The following ZKSCAN5 variants were observed in gnomAD, a reference collection of about 807,000 sequenced individuals.
ZKSCAN5 encodes zinc finger with KRAB and SCAN domains 5, also known as zinc finger protein with KRAB and SCAN domains 5.
Under a neutral mutation model 60.0 loss-of-function variants are expected in ZKSCAN5, and 28 were observed. The observed-to-expected ratio is 0.47, with a 90% CI of 0.35 to 0.64. The LOEUF (loss-of-function observed/expected upper bound fraction) is 0.64. ZKSCAN5 is among the 30% of genes least tolerant of loss of function. The pLI is 0.01. For missense variants in ZKSCAN5, 881 were observed against 1,034.6 expected, an observed-to-expected ratio of 0.85 and a Z score of 2.04; for synonymous variants, 361 against 371.2, an observed-to-expected ratio of 0.97 and a Z score of 0.31.
At chr7:99,524,367 C>T (rs987857648) in intron 5 of ZKSCAN5, among the ~76,000 whole-genome samples, 1 of 152,154 alleles carries the variant, frequency 6.6e-6, no homozygotes, top group African/African-American at 2.4e-5. Context: ...AGCCACCACA[C>T]CCGGCTGATA....
intron 2 of ZKSCAN5, among the ~76,000 whole-genome samples, chr7:99,511,844 C>G (rs1162250042): frequency 6.6e-6 from 1 of 151,908 alleles, no homozygotes; most frequent in Non-Finnish European, 1.5e-5. Context: ...GGCTAGAGTG[C>G]AGTGGCGCAA....
chr7:99,517,079 C>T (rs1264872240), intron 3 of ZKSCAN5, among the ~76,000 whole-genome samples: 1 of 152,058 alleles, frequency 6.6e-6, no homozygotes, highest in Non-Finnish European at 1.5e-5. Flanking sequence ...ATGTTTATTT[C>T]TTTGAGATGG....
At chr7:99,518,524 T>C (rs1295548459) in intron 3 of ZKSCAN5, among the ~76,000 whole-genome samples, 1 of 151,798 alleles carries the variant, frequency 6.6e-6, no homozygotes, top group African/African-American at 2.4e-5. Context: ...AGTACCAAGA[T>C]CCCCTAGGGG....
intron 2 of ZKSCAN5, among the ~76,000 whole-genome samples, chr7:99,510,317 G>A (rs1188414783): frequency 6.6e-6 from 1 of 151,976 alleles, no homozygotes; most frequent in Non-Finnish European, 1.5e-5. Context: ...TTGGCTTACT[G>A]CAACCTCTGC....
intron 3 of ZKSCAN5, among the ~76,000 whole-genome samples, chr7:99,519,290 T>C (rs1159603131): frequency 1.3e-5 from 2 of 150,228 alleles, no homozygotes; most frequent in Non-Finnish European, 3.0e-5. Context: ...TTTTTTTTTT[T>C]TTTCTGAGAC....
In ZKSCAN5 at chr7:99,526,087, C is replaced by T. The variant is rs1203654347; in HGVS notation, c.1047C>T (p.Ser349=). The change falls in exon 6 of 7, where the codon AGC becomes AGT. Residue 349 remains serine, a synonymous_variant. Coordinates refer to ENST00000326775, the MANE Select transcript of ZKSCAN5 (RefSeq NM_145102.4). ...STHGERGHRC[S]DCGKFFLQAS... is the part of the protein sequence containing the mutation. ...ATGGCGAGAGAGGGCACAGATGCAG[C>T]GATTGTGGCAAATTCTTCCTCCAAG... The T allele has an allele frequency of 6.8e-6, 11 of 1,614,054 alleles. No homozygotes were observed. Among genetic ancestry groups the T allele is most frequent in the South Asian group, 5.5e-5 (5 of 91,076 alleles).
chr7:99,512,183 C>T (rs1457661259), intron 2 of ZKSCAN5, among the ~76,000 whole-genome samples: 5 of 152,182 alleles, frequency 3.3e-5, no homozygotes, highest in African/African-American at 1.2e-4. Context: ...CTCCTGTGTT[C>T]TGTCTCATGG....
At chr7:99,519,991 GCCCATCTTGGGTTGGTA>G in intron 4 of ZKSCAN5, 82 bp downstream of exon 4, 2 of 1,553,584 alleles carry the variant, frequency 1.3e-6, no homozygotes, top group Non-Finnish European at 1.8e-6. Flanking sequence ...CAGTGACTAG[GCCCATCTTGGGTTGGTA>G]CCTTCATTCC....
In ZKSCAN5 at chr7:99,533,482, T is replaced by C. The variant is rs1802142833; in HGVS notation, c.*1233T>C. 6 of 432,586 alleles carry C rather than the reference T, an allele frequency of 1.4e-5. No individual in the cohort carries two copies. Among genetic ancestry groups the C allele is most frequent in the African/African-American group, 9.9e-5 (5 of 50,500 alleles). The allele number at this position is 432,586 out of a possible 1,614,324, so 26.8% of individuals were successfully genotyped here. A position where few individuals can be genotyped will look rare whatever the true frequency, so the allele number is the denominator to read the frequency against. On this transcript the variant is annotated 3_prime_UTR_variant, in exon 7 of 7. Transcript: ENST00000326775. ...ATATGTGTTGTACACTGTGGTGCCC[T>C]GTCCAGTCCCCTCTACCAAGCTGAG...
At position 99,506,118 on chromosome 7, in the gene ZKSCAN5, T is replaced by A. The variant is rs1211619074; in HGVS notation, c.74T>A (p.Leu25His). ...PAETSQEQEDLFIVKVEEEDC... is the reference protein window; with the variant it reads ...PAETSQEQEDHFIVKVEEEDC... ...GAGACTTCCCAGGAGCAGGAAGACC[T>A]TTTCATAGTGAAGGTGGAAGAAGAA... Residue 25 changes from leucine (L) to histidine (H), a missense_variant, in exon 2 of 7, where the codon CTT (leucine) becomes CAT (histidine). By Grantham distance (99) the Leu-to-His change is moderately conservative. Coordinates refer to ENST00000326775, the MANE Select transcript of ZKSCAN5 (RefSeq NM_145102.4). 1.2e-6 allele frequency: 2 copies of A among 1,614,110 alleles called. No individual in the cohort carries two copies. The highest frequency in any genetic ancestry group is 3.3e-5 in the Admixed American group (2 of 59,996).
intron 2 of ZKSCAN5, among the ~76,000 whole-genome samples, chr7:99,507,531 GTA>G (rs72423231): frequency 0.081 from 11,430 of 141,694 alleles, 663 homozygotes; most frequent in African/African-American, 0.18. Context: ...ATGTATATGT[GTA>G]TATATATATG....
At position 99,533,187 on chromosome 7, in the gene ZKSCAN5, G is replaced by C. The variant is rs965466017; in HGVS notation, c.*938G>C. 5 of 610,170 alleles carry C rather than the reference G, an allele frequency of 8.2e-6. No homozygotes were observed. The highest frequency in any genetic ancestry group is 1.5e-5 in the Non-Finnish European group (5 of 325,954). 37.8% of individuals were successfully genotyped at this position (610,170 alleles called of 1,614,324 possible). On this transcript the variant is annotated 3_prime_UTR_variant, in exon 7 of 7. Transcript: ENST00000326775. ...GGTGCCCCAGAAATAGACCTCTCCT[G>C]TAGAGTGGTGATATACAGAATGAGT...
At position 99,532,429 on chromosome 7, in the gene ZKSCAN5, G is replaced by A. The variant is rs190787517; in HGVS notation, c.*180G>A. The A allele has an allele frequency of 7.0e-5, 35 of 503,020 alleles. No individual in the cohort carries two copies. Among genetic ancestry groups the A allele is most frequent in the South Asian group, 4.1e-4 (8 of 19,322 alleles). 31.2% of individuals were successfully genotyped at this position (503,020 alleles called of 1,614,324 possible). A position where few individuals can be genotyped will look rare whatever the true frequency, so the allele number is the denominator to read the frequency against. ...AACCCACAATAATAGAAATCTTTTC[G>A]TGTTCCCCATTGAGAAATGCTTTAG... On this transcript the variant is annotated 3_prime_UTR_variant, in exon 7 of 7. Coordinates refer to ENST00000326775, the MANE Select transcript of ZKSCAN5 (RefSeq NM_145102.4).
Position 99,531,231 on chromosome 7 carries a change from G to A in ZKSCAN5, c.1502G>A (p.Gly501Glu). 1 of 1,614,148 alleles carries A rather than the reference G, an allele frequency of 6.2e-7. No homozygotes were observed. Among genetic ancestry groups the A allele is most frequent in the Non-Finnish European group, 8.5e-7 (1 of 1,180,028 alleles). Residue 501 changes from glycine to glutamate, a missense_variant, in exon 7 of 7, where the codon GGA (glycine) becomes GAA (glutamate). This residue lies in a region of ZKSCAN5 where 490 missense variants were observed against 554.5 expected (regional missense o/e 0.88). Coordinates refer to ENST00000326775, the MANE Select transcript of ZKSCAN5 (RefSeq NM_145102.4). ...AATGTTTCTCAAGTTCAAGATTTTG[G>A]AGAAGGCTGTGAGTTTCAAGGCAAG... Reference protein sequence around the residue: ...QRNVSQVQDFGEGCEFQGKLD... With the variant: ...QRNVSQVQDFEEGCEFQGKLD...
intron 3 of ZKSCAN5, among the ~76,000 whole-genome samples, chr7:99,515,617 T>A (rs1028754642): frequency 6.6e-6 from 1 of 151,942 alleles, no homozygotes; most frequent in Non-Finnish European, 1.5e-5. Context: ...GTGGATCACC[T>A]GAGGTCAGGA....
At chr7:99,527,312 G>A (rs922392983) in intron 6 of ZKSCAN5, among the ~76,000 whole-genome samples, 3 of 152,182 alleles carry the variant, frequency 2.0e-5, no homozygotes, top group African/African-American at 4.8e-5. Flanking sequence ...CTGCACTCCA[G>A]ACTGGCTAAC....
Position 99,532,122 on chromosome 7 carries a change from A to G in ZKSCAN5, c.2393A>G (p.Glu798Gly). 6.2e-7 allele frequency: 1 copy of G among 1,614,168 alleles called. No individual in the cohort carries two copies. Among genetic ancestry groups the G allele is most frequent in the Non-Finnish European group, 8.5e-7 (1 of 1,180,040 alleles). ...LNQHQRIHTG[E>G]KPFQCKECGM... The stretch of plus-strand genomic sequence containing the variant: ...CAACATCAGAGAATCCATACTGGTG[A>G]GAAACCTTTTCAATGTAAAGAATGT... The change falls in exon 7 of 7, where the codon GAG becomes GGG. Residue 798 changes from glutamate (E) to glycine (G), a missense_variant. Physicochemically the swap from Glu to Gly is moderately conservative, Grantham distance 98. Around this residue, in one of 5 missense-constraint regions of ZKSCAN5, gnomAD observed 138 missense variants for 143.8 expected, o/e 0.96. Transcript: ENST00000326775.
intron 5 of ZKSCAN5, among the ~76,000 whole-genome samples, chr7:99,524,270 C>T (rs559573112): frequency 4.7e-4 from 71 of 152,170 alleles, no homozygotes; most frequent in African/African-American, 1.6e-3. Flanking sequence ...GACAGGTTTT[C>T]ATCATGTTGG....
rs1467384282 is a variant in ZKSCAN5, at chr7:99,512,608, C to T, written c.553+17C>T. Reference sequence around the variant, plus strand: ...AGGAAAATGGTGAGGCTCAGTGATTCAGTGGAACTGATATAGCTCAAGAGT... The same window carrying T: ...AGGAAAATGGTGAGGCTCAGTGATTTAGTGGAACTGATATAGCTCAAGAGT... On this transcript the variant is annotated intron_variant, in intron 3 of 6. Coordinates refer to ENST00000326775, the MANE Select transcript of ZKSCAN5 (RefSeq NM_145102.4). The T allele has an allele frequency of 1.2e-6, 2 of 1,611,908 alleles. No homozygotes were observed. The highest frequency in any genetic ancestry group is 1.7e-6 in the Non-Finnish European group (2 of 1,178,920).
Sources: allele counts gnomAD v4.1 joint callset (sites outside exome capture counted in the v4.1 genomes callset), GRCh38; gene constraint gnomAD v4.1.1; regional missense constraint gnomAD v4.1.1; transcripts MANE v1.5; gene names NCBI Gene and HGNC (gene_info 2026-07-23, HGNC 2026-07-21).